GBF1: variants seen among roughly 807,000 people sequenced by gnomAD.
The protein encoded by GBF1 is golgi brefeldin A resistant guanine nucleotide exchange factor 1.
A neutral mutation model predicts 210.5 loss-of-function variants in GBF1; 114 were observed. That is an observed-to-expected ratio of 0.54 (90% CI 0.47 to 0.63). The LOEUF is 0.63. Ranked by LOEUF, GBF1 falls within the 30% of genes least tolerant of loss-of-function variation. The pLI, the probability that GBF1 is intolerant of heterozygous loss-of-function variation, is 0.00. For synonymous variants in GBF1, 850 were observed against 889.2 expected, an observed-to-expected ratio of 0.96 and a Z score of 0.78; for missense variants, 1,851 against 2,357.7, an observed-to-expected ratio of 0.79 and a Z score of 4.45.
chr10:102,264,461 A>G (rs1055731152), intron 3 of GBF1, among the ~76,000 whole-genome samples: 4 of 152,088 alleles, frequency 2.6e-5, no homozygotes, highest in African/African-American at 9.7e-5. Flanking sequence ...TATATTATGT[A>G]TTTTCTCTAT....
chr10:102,372,929 G>A (rs1325688907), intron 29 of GBF1, among the ~76,000 whole-genome samples: 2 of 152,120 alleles, frequency 1.3e-5, no homozygotes, highest in Non-Finnish European at 2.9e-5. Context: ...ACAGATCCGG[G>A]GGAGACTCTC....
At chr10:102,333,546 C>T (rs960637017) in intron 3 of GBF1, among the ~76,000 whole-genome samples, 8 of 151,852 alleles carry the variant, frequency 5.3e-5, no homozygotes, top group Non-Finnish European at 1.0e-4. Flanking sequence ...TCAGGGCTCA[C>T]CTCAGCTTCC....
intron 3 of GBF1, among the ~76,000 whole-genome samples, chr10:102,319,366 C>T (rs2056172274): frequency 6.9e-6 from 1 of 144,442 alleles, no homozygotes; most frequent in Non-Finnish European, 1.5e-5. Context: ...TAGCAGGACT[C>T]CTGTCTCTAA....
In GBF1 at chr10:102,368,439, C is replaced by T; in HGVS notation, c.2864C>T (p.Ala955Val). The T allele has an allele frequency of 6.2e-7, 1 of 1,602,316 alleles. No individual in the cohort carries two copies. The highest frequency in any genetic ancestry group is 1.1e-5 in the South Asian group (1 of 90,874). Residue 955 changes from alanine (A) to valine (V), a missense_variant, in exon 22 of 40, where the codon GCC (alanine) becomes GTC (valine). By Grantham distance (64) the Ala-to-Val change is moderately conservative. This residue lies in a region of GBF1 where 967 missense variants were observed against 1,247.7 expected (regional missense o/e 0.78). Coordinates refer to ENST00000369983, the MANE Select transcript of GBF1 (RefSeq NM_001377137.1). ...KSLEETIIQK[A>V]ISGFRKCAMI... ...CTTGAGGAGACAATCATCCAGAAAG[C>T]CATCTCAGGCTTCAGGTAGCCCAGC...
rs575019125 is a variant in GBF1 at position 102,363,505 on chromosome 10, C to G, written c.2017+109C>G. On this transcript the variant is annotated intron_variant, in intron 16 of 39. Coordinates refer to ENST00000369983, the MANE Select transcript of GBF1 (RefSeq NM_001377137.1). This position sits in a 1 kb window ranked among gnomAD's most constrained non-coding sequence, Gnocchi z 4.2. ...AGTAACTAAGCAAGCCTTGGTAGCC[C>G]GCCTCGCCTTCAGACTCAGAGAGAG... is the stretch of plus-strand genomic sequence containing the variant. 4 of 1,088,692 alleles carry G rather than the reference C, an allele frequency of 3.7e-6. No individual in the cohort carries two copies. The South Asian group carries it at 6.0e-5, about 16-fold the overall frequency. The allele number at this position is 1,088,692 out of a possible 1,614,324, so 67.4% of individuals were successfully genotyped here. A position where few individuals can be genotyped will look rare whatever the true frequency, so the allele number is the denominator to read the frequency against.
At chr10:102,240,820 A>G (rs1025730987), upstream of GBF1, among the ~76,000 whole-genome samples, 2 of 152,214 alleles carry the variant, frequency 1.3e-5, no homozygotes, top group Non-Finnish European at 2.9e-5. Context: ...CACAGCTCCT[A>G]TTCCAACTGC....
intron 1 of GBF1, among the ~76,000 whole-genome samples, chr10:102,247,633 CTCTT>C (rs1450308928): frequency 6.6e-6 from 1 of 152,088 alleles, no homozygotes; most frequent in Non-Finnish European, 1.5e-5. Context: ...AAAACGTTTT[CTCTT>C]TCTCTCTCTT....
In GBF1 at chr10:102,369,386, A is replaced by G. The variant is rs2135199261; in HGVS notation, c.3149A>G (p.Glu1050Gly). ...CAACTACTGCCCAAGGCTATGATAG[A>G]GGTAATTCTTAGTAGGAGACTAGTG... ...RAQLLPKAMI[E>G]VEDFVDPNGK... The change falls in exon 24 of 40, where the codon GAG becomes GGG. Residue 1050 changes from glutamate (E) to glycine (G), a missense_variant and splice_region_variant. By Grantham distance (98) the Glu-to-Gly change is moderately conservative (BLOSUM62 -2). Transcript: ENST00000369983. 1 of 1,609,028 alleles carries G rather than the reference A, an allele frequency of 6.2e-7. No homozygotes were observed. Among genetic ancestry groups the G allele is most frequent in the Non-Finnish European group, 8.5e-7 (1 of 1,175,546 alleles).
At chr10:102,230,890 T>G in the GBF1 span, 4 of 1,610,742 alleles carry the variant, frequency 2.5e-6, no homozygotes, top group East Asian at 8.9e-5. Context: ...AGGCCCCACG[T>G]TGACCGAGTT....
intron 3 of GBF1, among the ~76,000 whole-genome samples, chr10:102,287,214 G>T (rs759658938): frequency 4.2e-4 from 63 of 151,234 alleles, no homozygotes; most frequent in Middle Eastern, 6.8e-3. Context: ...TCGATTGCTG[G>T]GTAACAAATT....
intron 29 of GBF1, among the ~76,000 whole-genome samples, chr10:102,371,925 CAA>C (rs750951758): frequency 2.4e-4 from 23 of 97,036 alleles, no homozygotes; most frequent in Admixed American, 4.3e-4. Flanking sequence ...GATTCTGTCT[CAA>C]AAAAAAAAAA....
At chr10:102,266,821 C>T (rs1046316927) in intron 3 of GBF1, among the ~76,000 whole-genome samples, 1 of 152,114 alleles carries the variant, frequency 6.6e-6, no homozygotes, top group East Asian at 1.9e-4. Context: ...CAGGTTATGG[C>T]GTGCTTGAGT....
Position 102,376,222 on chromosome 10 carries a change from C to T in GBF1, c.3887-50C>T, listed in dbSNP as rs141450188. ...CTGAGAGCCTGATTTATCCCTCATC[C>T]CAGTGCCCCATCCCCACCCTGACTC... On this transcript the variant is annotated intron_variant, in intron 30 of 39. Transcript: ENST00000369983. 2,275 of 1,462,602 alleles carry T rather than the reference C, an allele frequency of 1.6e-3. 31 individuals carry two copies. The African/African-American group carries it at 0.029, about 19-fold the overall frequency. 90.6% of individuals were successfully genotyped at this position (1,462,602 alleles called of 1,614,324 possible).
rs370194134 is a variant in GBF1 at position 102,361,940 on chromosome 10, G to GA, written c.1686+34dup. The stretch of plus-strand genomic sequence containing the variant: ...GCTGAGCACTATAACTGGCTTCTAG[G>GA]AAAAAACGCATTATAAAGGAAATCT... On this transcript the variant is annotated intron_variant, in intron 14 of 39. Coordinates refer to ENST00000369983, the MANE Select transcript of GBF1 (RefSeq NM_001377137.1). 30 of 1,427,166 alleles carry GA rather than the reference G, an allele frequency of 2.1e-5. 1 individual carries two copies. In the African/African-American group the frequency reaches 2.6e-4, roughly 12 times the overall value. The allele number at this position is 1,427,166 out of a possible 1,614,324, so 88.4% of individuals were successfully genotyped here. A position where few individuals can be genotyped will look rare whatever the true frequency, so the allele number is the denominator to read the frequency against.
rs527408588 is a variant in GBF1 at position 102,358,149 on chromosome 10, C to T, written c.750C>T (p.Pro250=). 8.1e-6 allele frequency: 13 copies of T among 1,613,712 alleles called. No homozygotes were observed. The highest frequency in any genetic ancestry group is 8.0e-5 in the African/African-American group (6 of 75,030). ...AAGTCACACCAGGTTCAGAGCTGCC[C>T]ACTCCCAATGGAACCACCTTATCAT... The part of the protein sequence containing the change: ...MTKVTPGSEL[P]TPNGTTLSSN... Residue 250 remains proline (P), a synonymous_variant, in exon 9 of 40, where the codon CCC becomes CCT. Transcript: ENST00000369983.
At chr10:102,310,533 A>AAT (rs1190508241) in intron 3 of GBF1, among the ~76,000 whole-genome samples, 1 of 152,220 alleles carries the variant, frequency 6.6e-6, no homozygotes, top group Non-Finnish European at 1.5e-5. Context: ...TAATGAGTAT[A>AAT]AGCACTAGGT....
the GBF1 span, among the ~76,000 whole-genome samples, chr10:102,232,784 T>G: frequency 6.6e-6 from 1 of 152,236 alleles, no homozygotes. Flanking sequence ...AGTATCCCCC[T>G]ATACTCATAC....
chr10:102,360,126 C>G, intron 11 of GBF1, 58 bp from the exon 12 acceptor site: 1 of 1,122,272 alleles, frequency 8.9e-7, no homozygotes, highest in Non-Finnish European at 1.4e-6. Context: ...GCAGGCTAGG[C>G]AAAGCCAGCA....
chr10:102,231,973 C>G, the GBF1 span: 1 of 1,609,896 alleles, frequency 6.2e-7, no homozygotes, highest in South Asian at 1.1e-5. Context: ...CGCTGTGCTC[C>G]TGGCCCTTGC....
Sources: allele counts gnomAD v4.1 joint callset (sites outside exome capture counted in the v4.1 genomes callset), GRCh38; gene constraint gnomAD v4.1.1; regional missense constraint gnomAD v4.1.1; non-coding constraint Gnocchi (gnomAD v3.1); transcripts MANE v1.5; gene names NCBI Gene and HGNC (gene_info 2026-07-23, HGNC 2026-07-21).